The following FBN1 variants were observed in gnomAD, a reference collection of about 807,000 sequenced individuals.
FBN1 encodes the protein fibrillin-1.
A neutral mutation model predicts 365.1 loss-of-function variants in FBN1; 29 were observed. The observed-to-expected ratio is 0.08, with a 90% CI of 0.06 to 0.11. The LOEUF is 0.11. Among genes scored for constraint, FBN1 ranks in the 10% least tolerant of loss-of-function variants. The probability of loss-of-function intolerance (pLI) is 1.00; values close to 1 mark genes in which losing one functional copy is unlikely to be tolerated. For synonymous variants in FBN1, 1,210 were observed against 1,270.5 expected (o/e 0.95, Z 1.01); for missense variants, 2,476 against 3,703.2 (o/e 0.67, Z 8.60).
intron 64 of FBN1, among the ~76,000 whole-genome samples, chr15:48,414,535 C>G (rs2042886953): frequency 6.6e-6 from 1 of 152,086 alleles, no homozygotes; most frequent in Admixed American, 6.5e-5. Context: ...CAGATTAATT[C>G]AGCAGGAAAA....
chr15:48,638,383 G>C (rs571964564), intron 2 of FBN1, among the ~76,000 whole-genome samples: 46 of 152,272 alleles, frequency 3.0e-4, no homozygotes, highest in Non-Finnish European at 5.3e-4. Context: ...CCAGCTACAA[G>C]ATTTATTATA....
In FBN1 at chr15:48,634,777, G is replaced by A. The variant is rs1027506224; in HGVS notation, c.164+9829C>T. 2.6e-4 allele frequency among the ~76,000 whole-genome samples: 32 copies of A among 122,514 alleles called. No homozygotes were observed. The East Asian group carries it at 5.8e-3, about 22-fold the overall frequency. 80.4% of individuals were successfully genotyped at this position (122,514 alleles called of 152,430 possible). ...AAACAATGATGATGAAGAAAAAGAA[G>A]AAAAGGAAAAGATGGCAACAAAGAA... On this transcript the variant is annotated intron_variant, in intron 2 of 65. Coordinates refer to ENST00000316623, the MANE Select transcript of FBN1 (RefSeq NM_000138.5).
In FBN1 at chr15:48,472,578, G is replaced by C. The variant is rs1408492045; in HGVS notation, c.4309C>G (p.Pro1437Ala). Residue 1437 changes from proline to alanine, a missense_variant, in exon 35 of 66, where the codon CCC (proline) becomes GCC (alanine). Coordinates refer to ENST00000316623, the MANE Select transcript of FBN1 (RefSeq NM_000138.5). The part of the protein sequence containing the change: ...YRCECDMGFV[P>A]SADGKACEDI... ...TCACAGGCTTTCCCGTCAGCACTGG[G>C]CACGAAGCCCATGTCGCATTCACAG... 1 of 1,614,106 alleles carries C rather than the reference G, an allele frequency of 6.2e-7. No individual in the cohort carries two copies. The highest frequency in any genetic ancestry group is 8.5e-7 in the Non-Finnish European group (1 of 1,180,022).
intron 6 of FBN1, among the ~76,000 whole-genome samples, chr15:48,589,714 C>T (rs2044462681): frequency 1.4e-5 from 2 of 147,648 alleles, no homozygotes; most frequent in Admixed American, 6.8e-5. Context: ...CCTGGGTTCA[C>T]GCCATTCTCC....
At chr15:48,638,889 C>G (rs1468948907) in intron 2 of FBN1, among the ~76,000 whole-genome samples, 1 of 152,146 alleles carries the variant, frequency 6.6e-6, no homozygotes, top group African/African-American at 2.4e-5. Flanking sequence ...CAACGCCCAG[C>G]AGGCTGCCTG....
At chr15:48,534,600 C>A (rs924458700) in intron 7 of FBN1, among the ~76,000 whole-genome samples, 1 of 152,104 alleles carries the variant, frequency 6.6e-6, no homozygotes, top group Admixed American at 6.5e-5. Flanking sequence ...AAAAATCTTG[C>A]AAATCAAAAT....
intron 43 of FBN1, among the ~76,000 whole-genome samples, chr15:48,459,301 C>T (rs2043264251): frequency 1.3e-5 from 2 of 152,122 alleles, no homozygotes; most frequent in South Asian, 4.2e-4. Context: ...CAGCTAGGGC[C>T]AGGTGTTCCA....
chr15:48,415,452 G>C lies in FBN1; in HGVS notation c.8051+84C>G, dbSNP rs998125599. The C allele has an allele frequency of 9.5e-6, 10 of 1,050,220 alleles. No homozygotes were observed. In the African/African-American group the frequency reaches 1.4e-4, roughly 15 times the overall value. The allele number at this position is 1,050,220 out of a possible 1,614,324, so 65.1% of individuals were successfully genotyped here. A position where few individuals can be genotyped will look rare whatever the true frequency, so the allele number is the denominator to read the frequency against. On this transcript the variant is annotated intron_variant, in intron 64 of 65. Transcript: ENST00000316623. ...CAAAAAGCATGGTTCTCCTCTGCTA[G>C]GACAGGTAATTTTGAGTTCAGTATA...
intron 49 of FBN1, among the ~76,000 whole-genome samples, chr15:48,443,387 T>C (rs1378857025): frequency 6.6e-6 from 1 of 152,174 alleles, no homozygotes; most frequent in Non-Finnish European, 1.5e-5. Flanking sequence ...GGGCCAAATA[T>C]TGTAGAATGG....
At position 48,446,877 on chromosome 15, in the gene FBN1, C is replaced by T. The variant is rs2043164326; in HGVS notation, c.5672-55G>A. On this transcript the variant is annotated intron_variant, in intron 46 of 65. Transcript: ENST00000316623. ...TAATTATAAGTAGAAAAAGTGGTTA[C>T]ACGGTTACAGTGGCTAAAGAGCATT... 9 of 1,246,298 alleles carry T rather than the reference C, an allele frequency of 7.2e-6. No individual in the cohort carries two copies. In the Admixed American group the frequency reaches 1.0e-4, roughly 14 times the overall value. The allele number at this position is 1,246,298 out of a possible 1,614,324, so 77.2% of individuals were successfully genotyped here.
rs149884963 is a variant in FBN1 at position 48,549,644 on chromosome 15, G to A, written c.539-11836C>T. Among the ~76,000 whole-genome samples, 35 of 152,220 alleles carry A rather than the reference G, an allele frequency of 2.3e-4. No individual in the cohort carries two copies. In the East Asian group the frequency reaches 2.5e-3, roughly 11 times the overall value. On this transcript the variant is annotated intron_variant, in intron 6 of 65. Coordinates refer to ENST00000316623, the MANE Select transcript of FBN1 (RefSeq NM_000138.5). ...ATTTATTCCTTTTTGGAAGAAGAAC[G>A]TGTTCTTTCATCAAATTCTTAAAAG...
chr15:48,419,907 C>A (rs2042927135), intron 63 of FBN1, among the ~76,000 whole-genome samples: 1 of 152,202 alleles, frequency 6.6e-6, no homozygotes, highest in African/African-American at 2.4e-5. Context: ...GGCAGCTCTA[C>A]ATCAGAAAGT....
At chr15:48,575,321 ATG>A (rs1157845414) in intron 6 of FBN1, among the ~76,000 whole-genome samples, 43 of 944 alleles carry the variant, frequency 0.046, no homozygotes, top group South Asian at 0.19. Context: ...GTATTTACAT[ATG>A]TATGTATGTA....
At chr15:48,487,649 A>T (rs951273433) in intron 27 of FBN1, among the ~76,000 whole-genome samples, 2 of 152,198 alleles carry the variant, frequency 1.3e-5, no homozygotes, top group African/African-American at 4.8e-5. Context: ...CTTCTCCTGC[A>T]CTACCCTGCT....
intron 6 of FBN1, among the ~76,000 whole-genome samples, chr15:48,547,934 C>T (rs1410148302): frequency 6.6e-6 from 1 of 152,046 alleles, no homozygotes; most frequent in African/African-American, 2.4e-5. Flanking sequence ...GAAGAAAGTA[C>T]AAGCATTACT....
Position 48,465,617 on chromosome 15 carries a change from G to A in FBN1, c.4893C>T (p.Cys1631=). 6.2e-7 allele frequency: 1 copy of A among 1,614,084 alleles called. No individual in the cohort carries two copies. Among genetic ancestry groups the A allele is most frequent in the South Asian group, 1.1e-5 (1 of 91,078 alleles). The change falls in exon 40 of 66, where the codon TGC becomes TGT. Residue 1631 remains cysteine, a synonymous_variant. Coordinates refer to ENST00000316623, the MANE Select transcript of FBN1 (RefSeq NM_000138.5). ...TCAGGTAGTAGCCGGTTGGACAGCG[G>A]CACTGGAAACTCCCAAAGGTGTTGA... ...KCINTFGSFQ[C]RCPTGYYLNE...
At chr15:48,470,600 A>C in intron 36 of FBN1, 34 bp downstream of exon 36, 1 of 1,613,212 alleles carries the variant, frequency 6.2e-7, no homozygotes, top group Non-Finnish European at 8.5e-7. Flanking sequence ...CCGGGACACC[A>C]GGGAGCTGAT....
In FBN1 at chr15:48,465,877, A is replaced by T. The variant is rs1366986245; in HGVS notation, c.4748-19T>A. 3.2e-6 allele frequency: 5 copies of T among 1,580,308 alleles called. No individual in the cohort carries two copies. In the East Asian group the frequency reaches 1.1e-4, roughly 35 times the overall value. ...TACTCGGCTATTGAAACAAAAATTC[A>T]AATTGAGTTGTTTTGAATCTAAAGT... On this transcript the variant is annotated intron_variant, in intron 38 of 65. Coordinates refer to ENST00000316623, the MANE Select transcript of FBN1 (RefSeq NM_000138.5).
At chr15:48,421,465 T>C in intron 62 of FBN1, 93 bp downstream of exon 62, 1 of 1,487,012 alleles carries the variant, frequency 6.7e-7, no homozygotes, top group East Asian at 2.4e-5. Flanking sequence ...AGATCTGCTA[T>C]CTCATAGAGG....
Sources: gnomAD v4.1 joint callset for allele counts (sites outside exome capture counted in the v4.1 genomes callset) on GRCh38, gnomAD v4.1.1 for gene constraint, MANE v1.5 for transcripts, NCBI Gene and HGNC (gene_info 2026-07-23, HGNC 2026-07-21) for gene names.